Variants in NKAIN3 observed in about 807,000 individuals in gnomAD.
The protein encoded by NKAIN3 is sodium/potassium-transporting ATPase subunit beta-1-interacting protein 3.
Under a neutral mutation model 30.2 loss-of-function variants are expected in NKAIN3, and 25 were observed. The ratio of observed to expected loss-of-function variants is 0.83; its 90% CI spans 0.60 to 1.16. NKAIN3 has a LOEUF of 1.16. Ranked by LOEUF, NKAIN3 falls within the 50% of genes most tolerant of loss-of-function variation. The pLI is 0.00. For synonymous variants in NKAIN3, 91 were observed against 89.6 expected (o/e 1.02, Z -0.09); for missense variants, 225 against 254.1 (o/e 0.89, Z 0.78).
intron 1 of NKAIN3, among the ~76,000 whole-genome samples, chr8:62,481,997 G>A (rs910004348): frequency 1.3e-5 from 2 of 152,156 alleles, no homozygotes. Flanking sequence ...TCTCTCCCCT[G>A]TGAATACCTC....
intron 4 of NKAIN3, among the ~76,000 whole-genome samples, chr8:62,859,346 C>T (rs1216307968): frequency 1.3e-5 from 2 of 151,962 alleles, no homozygotes; most frequent in African/African-American, 2.4e-5. Context: ...AGCCTTATCA[C>T]TTGTTAATCT....
intron 1 of NKAIN3, among the ~76,000 whole-genome samples, chr8:62,291,726 G>A (rs1039014584): frequency 2.6e-5 from 4 of 152,152 alleles, no homozygotes; most frequent in Admixed American, 6.5e-5. Flanking sequence ...GATTTGGGGT[G>A]GAGAGTTCTG....
chr8:62,652,090 G>T (rs1377784360), intron 3 of NKAIN3, among the ~76,000 whole-genome samples: 1 of 152,092 alleles, frequency 6.6e-6, no homozygotes, highest in African/African-American at 2.4e-5. Context: ...CAAAATTTTA[G>T]AAGGTCACTA....
chr8:62,672,891 A>G (rs1290833891), intron 3 of NKAIN3, among the ~76,000 whole-genome samples: 1 of 152,208 alleles, frequency 6.6e-6, no homozygotes, highest in Admixed American at 6.5e-5. Flanking sequence ...TGTAAATGTC[A>G]TACTTTACAG....
chr8:62,418,283 T>C (rs1016394334), intron 1 of NKAIN3, among the ~76,000 whole-genome samples: 1 of 152,152 alleles, frequency 6.6e-6, no homozygotes, highest in Non-Finnish European at 1.5e-5. Flanking sequence ...GACTAAGATA[T>C]GTAAAATTAG....
At chr8:62,725,099 T>C (rs1474241355) in intron 3 of NKAIN3, among the ~76,000 whole-genome samples, 1 of 152,168 alleles carries the variant, frequency 6.6e-6, no homozygotes, top group African/African-American at 2.4e-5. Flanking sequence ...TGATATCTCA[T>C]TGTAGTTTTG....
intron 4 of NKAIN3, among the ~76,000 whole-genome samples, chr8:62,875,247 A>G (rs1361101694): frequency 6.6e-6 from 1 of 152,186 alleles, no homozygotes; most frequent in African/African-American, 2.4e-5. Flanking sequence ...AGAATAAAAT[A>G]CCTAGGAATA....
At chr8:62,764,214 T>G (rs566643902) in intron 4 of NKAIN3, among the ~76,000 whole-genome samples, 1 of 152,372 alleles carries the variant, frequency 6.6e-6, no homozygotes, top group African/African-American at 2.4e-5. Context: ...AGCTACCCTG[T>G]ACTGAACATA....
At chr8:62,624,514 T>A (rs1811731294) in intron 3 of NKAIN3, among the ~76,000 whole-genome samples, 1 of 136,066 alleles carries the variant, frequency 7.3e-6, no homozygotes, top group Non-Finnish European at 1.5e-5. Context: ...TGGCTTTATT[T>A]AGGTTTTTTT....
chr8:62,766,979 A>G (rs550276793), intron 4 of NKAIN3, among the ~76,000 whole-genome samples: 3 of 151,766 alleles, frequency 2.0e-5, no homozygotes, highest in African/African-American at 7.3e-5. Context: ...CTTCAGGTTA[A>G]CTTGCAGATT....
intron 4 of NKAIN3, among the ~76,000 whole-genome samples, chr8:62,885,018 CTACT>C (rs1821103152): frequency 6.6e-6 from 1 of 151,792 alleles, no homozygotes; most frequent in Non-Finnish European, 1.5e-5. Context: ...TTCTTTTCTT[CTACT>C]TACTTTGGAT....
intron 2 of NKAIN3, among the ~76,000 whole-genome samples, chr8:62,581,633 C>A (rs1810294231): frequency 6.6e-6 from 1 of 152,180 alleles, no homozygotes. Context: ...ACCACTGGGT[C>A]CTTAGCTGGA....
chr8:62,860,988 G>A (rs1228799897), intron 4 of NKAIN3, among the ~76,000 whole-genome samples: 1 of 152,216 alleles, frequency 6.6e-6, no homozygotes, highest in Admixed American at 6.5e-5. Flanking sequence ...GCCTAAGACA[G>A]CCAAGACAAA....
chr8:62,312,826 A>T (rs1486856935), intron 1 of NKAIN3, among the ~76,000 whole-genome samples: 1 of 151,646 alleles, frequency 6.6e-6, no homozygotes, highest in Non-Finnish European at 1.5e-5. Context: ...CTTGTCTCAA[A>T]AAAAAAAAAA....
intron 1 of NKAIN3, among the ~76,000 whole-genome samples, chr8:62,337,148 G>A (rs943426586): frequency 1.3e-5 from 2 of 152,016 alleles, no homozygotes; most frequent in African/African-American, 4.8e-5. Context: ...CCAACAAACA[G>A]AAAGTGAAAG....
chr8:62,267,154 C>A (rs1355476355), intron 1 of NKAIN3, among the ~76,000 whole-genome samples: 1 of 152,198 alleles, frequency 6.6e-6, no homozygotes, highest in Non-Finnish European at 1.5e-5. Flanking sequence ...ATATTACTTT[C>A]AAAAACATAA....
At chr8:62,598,838 G>T (rs546537480) in intron 3 of NKAIN3, among the ~76,000 whole-genome samples, 1 of 152,106 alleles carries the variant, frequency 6.6e-6, no homozygotes, top group African/African-American at 2.4e-5. Context: ...TGTCAGAAAG[G>T]CACAGCTGAG....
chr8:62,535,165 T>A (rs951098858), intron 1 of NKAIN3, among the ~76,000 whole-genome samples: 13 of 152,190 alleles, frequency 8.5e-5, no homozygotes, highest in African/African-American at 3.1e-4. Flanking sequence ...CGTACACTAT[T>A]TGTCTCATTG....
At chr8:62,803,169 A>G (rs183743360) in intron 4 of NKAIN3, among the ~76,000 whole-genome samples, 5 of 152,272 alleles carry the variant, frequency 3.3e-5, no homozygotes, top group Admixed American at 6.5e-5. Flanking sequence ...ATAATGGGAG[A>G]CTTTAACACC....
Sources: allele counts gnomAD v4.1 joint callset (sites outside exome capture counted in the v4.1 genomes callset), GRCh38; gene constraint gnomAD v4.1.1; transcripts MANE v1.5; gene names NCBI Gene and HGNC (gene_info 2026-07-23, HGNC 2026-07-21).